The following CCDC174 variants were observed in gnomAD, a reference collection of about 807,000 sequenced individuals.
CCDC174 encodes the protein coiled-coil domain-containing protein 174.
CCDC174 carries 37 observed loss-of-function variants against 57.1 expected under a neutral mutation model. The ratio of observed to expected loss-of-function variants is 0.65; its 90% CI spans 0.50 to 0.85. The LOEUF (loss-of-function observed/expected upper bound fraction) is 0.85. CCDC174 is among the 40% of genes least tolerant of loss of function. CCDC174 has a pLI of 0.00. For synonymous variants in CCDC174, 182 were observed against 190.2 expected (o/e 0.96, Z 0.35); for missense variants, 540 against 574.3 (o/e 0.94, Z 0.61).
In CCDC174 at chr3:14,668,092, G is replaced by A. The variant is rs144726452; in HGVS notation, c.863G>A (p.Arg288Gln). Reference sequence around the variant, plus strand: ...AAACGAGAAAACATAAAGGAAAAGCGAAAGGCTATCTTAGAGGCAAGACTT... The same window carrying A: ...AAACGAGAAAACATAAAGGAAAAGCAAAAGGCTATCTTAGAGGCAAGACTT... ...RTKRENIKEK[R>Q]KAILEARLAK... The change falls in exon 9 of 11, where the codon CGA becomes CAA. Residue 288 changes from arginine (R) to glutamine (Q), a missense_variant. Transcript: ENST00000383794. 15 of 1,605,648 alleles carry A rather than the reference G, an allele frequency of 9.3e-6. No homozygotes were observed. The African/African-American group carries it at 9.4e-5, about 10-fold the overall frequency.
chr3:14,656,865 T>C (rs2030975194), intron 3 of CCDC174, among the ~76,000 whole-genome samples: 2 of 152,218 alleles, frequency 1.3e-5, no homozygotes, highest in Admixed American at 1.3e-4. Flanking sequence ...GCATGACTGC[T>C]ACATGTGCTT....
chr3:14,666,634 A>AT (rs1383352522), intron 6 of CCDC174, among the ~76,000 whole-genome samples, 171 bp from the exon 7 acceptor site: 1 of 151,734 alleles, frequency 6.6e-6, no homozygotes, highest in Non-Finnish European at 1.5e-5. Flanking sequence ...AAAAAAAAAA[A>AT]GGCGAAGGCT....
At position 14,655,548 on chromosome 3, in the gene CCDC174, A is replaced by G. The variant is rs1374388494; in HGVS notation, c.167A>G (p.Lys56Arg). The part of the protein sequence containing the change: ...TTNKKPSIWS[K>R]QNVGVSNRAE... ...CTCCAGAAACCAAGTATCTGGAGCA[A>G]ACAGAATGTAGGCGTTTCAAATCGA... Residue 56 changes from lysine (K) to arginine (R), a missense_variant, in exon 3 of 11, where the codon AAA becomes AGA. Transcript: ENST00000383794. 6.2e-7 allele frequency: 1 copy of G among 1,609,210 alleles called. No individual in the cohort carries two copies. The highest frequency in any genetic ancestry group is 8.5e-7 in the Non-Finnish European group (1 of 1,177,642).
rs7638245 is a variant in CCDC174 at position 14,654,872 on chromosome 3, G to A, written c.147+342G>A. 3.3e-3 allele frequency among the ~76,000 whole-genome samples: 506 copies of A among 152,316 alleles called. 1 individual carries two copies. Among genetic ancestry groups the A allele is most frequent in the African/African-American group, 0.011 (476 of 41,562 alleles). ...GGAATATAGCGGAAAATATCAGGGT[G>A]TATAAGAGCTGTGAATTTTTCCAGT... On this transcript the variant is annotated intron_variant, in intron 2 of 10. Transcript: ENST00000383794.
chr3:14,671,310 C>G lies in CCDC174; in HGVS notation c.*116C>G. On this transcript the variant is annotated 3_prime_UTR_variant, in exon 11 of 11. Coordinates refer to ENST00000383794, the MANE Select transcript of CCDC174 (RefSeq NM_016474.5). ...TGTCCTGTCCTTTCCCTAGGAGGCA[C>G]AGACTTCGGGTTGGATTTGTCAGCA... is the stretch of plus-strand genomic sequence containing the variant. 1 of 1,105,590 alleles carries G rather than the reference C, an allele frequency of 9.0e-7. No individual in the cohort carries two copies. Among genetic ancestry groups the G allele is most frequent in the East Asian group, 2.4e-5 (1 of 41,256 alleles). 68.5% of individuals were successfully genotyped at this position (1,105,590 alleles called of 1,614,324 possible). A position where few individuals can be genotyped will look rare whatever the true frequency, so the allele number is the denominator to read the frequency against.
rs1559383101 is a variant in CCDC174, at chr3:14,666,917, C to CCCGT, written c.695_698dup (p.His234ArgfsTer4). The stretch of plus-strand genomic sequence containing the variant: ...AGAGGCCCTGAAGAGGCCCATGGGG[C>CCCGT]CCGTACATTATGAAGACATTCGGGA... On this transcript the variant is annotated frameshift_variant, in exon 7 of 11. Coordinates refer to ENST00000383794, the MANE Select transcript of CCDC174 (RefSeq NM_016474.5). LOFTEE classifies it high-confidence loss of function. 1 of 1,589,734 alleles carries CCCGT rather than the reference C, an allele frequency of 6.3e-7. No individual in the cohort carries two copies. The highest frequency in any genetic ancestry group is 1.2e-5 in the South Asian group (1 of 86,036).
intron 3 of CCDC174, among the ~76,000 whole-genome samples, chr3:14,655,960 C>T (rs1360146386): frequency 6.6e-6 from 1 of 152,132 alleles, no homozygotes; most frequent in East Asian, 1.9e-4. Context: ...TTCCCCCCCA[C>T]CTTTTATTTT....
intron 4 of CCDC174, 131 bp from the exon 5 acceptor site, chr3:14,661,399 G>T: frequency 1.5e-6 from 1 of 687,238 alleles, no homozygotes; most frequent in Non-Finnish European, 2.5e-6. Flanking sequence ...GTAAACATTT[G>T]GGGAGTGGAG....
chr3:14,652,788 G>C (rs766871557), intron 1 of CCDC174, among the ~76,000 whole-genome samples: 6 of 152,024 alleles, frequency 3.9e-5, no homozygotes, highest in Non-Finnish European at 7.4e-5. Flanking sequence ...TGTAATCCCA[G>C]CTACTCGGGA....
chr3:14,667,532 C>T lies in CCDC174; in HGVS notation c.819+14C>T. ...CTGCGTGAACAGGTACAGATAAATC[C>T]CAAGTGACTGTGAGGAAAGATGTGA... On this transcript the variant is annotated intron_variant, in intron 8 of 10. Transcript: ENST00000383794. 6.3e-7 allele frequency: 1 copy of T among 1,593,254 alleles called. No homozygotes were observed.
chr3:14,661,770 T>G, intron 5 of CCDC174, 63 bp downstream of exon 5: 3 of 1,443,656 alleles, frequency 2.1e-6, no homozygotes, highest in Non-Finnish European at 1.9e-6. Context: ...ATTTTGGGAG[T>G]GATTTTGTTG....
intron 2 of CCDC174, among the ~76,000 whole-genome samples, chr3:14,655,049 C>T (rs1359699320): frequency 6.6e-6 from 1 of 152,322 alleles, no homozygotes; most frequent in African/African-American, 2.4e-5. Flanking sequence ...GGGCGTGGTT[C>T]CCACGCCTCT....
intron 2 of CCDC174, 78 bp from the exon 3 acceptor site, chr3:14,655,451 T>A (rs918961399): frequency 1.3e-5 from 11 of 862,988 alleles, no homozygotes; most frequent in Non-Finnish European, 1.9e-5. Flanking sequence ...CTCCTTTGTT[T>A]TTTTTTTTCC....
chr3:14,666,774 G>A, intron 6 of CCDC174, 31 bp from the exon 7 acceptor site: 3 of 1,546,868 alleles, frequency 1.9e-6, no homozygotes, highest in Non-Finnish European at 2.6e-6. Flanking sequence ...ATCCTTATCT[G>A]AAGATAGTTT....
chr3:14,666,645 GT>G (rs1204975891), intron 6 of CCDC174, among the ~76,000 whole-genome samples, 159 bp from the exon 7 acceptor site: 5 of 151,712 alleles, frequency 3.3e-5, no homozygotes, highest in African/African-American at 4.8e-5. Context: ...GGCGAAGGCT[GT>G]TTTATTGATT....
chr3:14,652,338 G>A (rs114424741), intron 1 of CCDC174, among the ~76,000 whole-genome samples: 1,629 of 152,298 alleles, frequency 0.011, 33 homozygotes, highest in African/African-American at 0.037. Context: ...ACCCGAAAGT[G>A]TCCAGCGTGC....
intron 4 of CCDC174, among the ~76,000 whole-genome samples, chr3:14,659,905 G>A (rs75670184): frequency 0.04 from 6,142 of 152,272 alleles, 176 homozygotes; most frequent in Non-Finnish European, 0.062. Flanking sequence ...GCTGAGGAGG[G>A]CAGGGCCAGA....
chr3:14,667,343 TGC>T, intron 7 of CCDC174, 79 bp from the exon 8 acceptor site: 1 of 1,045,696 alleles, frequency 9.6e-7, no homozygotes, highest in Admixed American at 1.9e-5. Flanking sequence ...TGTTTCTTTT[TGC>T]TTTGGTAGGA....
At position 14,651,870 on chromosome 3, in the gene CCDC174, G is replaced by A; in HGVS notation, c.34G>A (p.Ala12Thr). The A allele has an allele frequency of 6.2e-7, 1 of 1,614,050 alleles. No individual in the cohort carries two copies. Among genetic ancestry groups the A allele is most frequent in the South Asian group, 1.1e-5 (1 of 91,064 alleles). The change falls in exon 1 of 11, where the codon GCC becomes ACC. Residue 12 changes from alanine to threonine, a missense_variant. Transcript: ENST00000383794. The stretch of plus-strand genomic sequence containing the variant: ...TAGGAAAAAGCCTTTGGACGTCACG[G>A]CCTCCTCGGTGAGTGAGGGTATGAG... ...DRRKKPLDVT[A>T]SSLVDLKAEL...
Sources: allele counts gnomAD v4.1 joint callset (sites outside exome capture counted in the v4.1 genomes callset), GRCh38; gene constraint gnomAD v4.1.1; transcripts MANE v1.5; gene names NCBI Gene and HGNC (gene_info 2026-07-23, HGNC 2026-07-21).